TRAF5: variants seen among roughly 807,000 people sequenced by gnomAD.
TRAF5 encodes TNF receptor associated factor 5, also known as TNF receptor-associated factor 5.
In TRAF5, 48 loss-of-function variants were observed where a neutral mutation model predicts 64.5. That is an observed-to-expected ratio of 0.74 (90% CI 0.59 to 0.95). TRAF5 has a LOEUF of 0.95. TRAF5 is among the 40% of genes least tolerant of loss of function. The pLI is 0.00. For synonymous variants in TRAF5, 206 were observed against 240.5 expected, an observed-to-expected ratio of 0.86 and a Z score of 1.33; for missense variants, 545 against 662.8, an observed-to-expected ratio of 0.82 and a Z score of 1.95.
At position 211,346,326 on chromosome 1, in the gene TRAF5, G is replaced by A. The variant is rs993342795; in HGVS notation, c.-1-6913G>A. 11 of 983,830 alleles carry A rather than the reference G, an allele frequency of 1.1e-5. No homozygotes were observed. In the East Asian group the frequency reaches 4.5e-4, roughly 41 times the overall value. The allele number at this position is 983,830 out of a possible 1,614,324, so 60.9% of individuals were successfully genotyped here. A position where few individuals can be genotyped will look rare whatever the true frequency, so the allele number is the denominator to read the frequency against. On this transcript the variant is annotated intron_variant, in intron 1 of 10. Transcript: ENST00000261464. Reference sequence around the variant, plus strand: ...GGAGGGACTCAAGGGCAGATGCAACGTCACAGCCTCTGCATTCTCAGGACC... The same window carrying A: ...GGAGGGACTCAAGGGCAGATGCAACATCACAGCCTCTGCATTCTCAGGACC...
chr1:211,337,973 G>C (rs1405922520), intron 1 of TRAF5, among the ~76,000 whole-genome samples: 2 of 152,190 alleles, frequency 1.3e-5, no homozygotes, highest in African/African-American at 2.4e-5. Flanking sequence ...TCAGGGCATT[G>C]TCAGTCATAG....
chr1:211,373,499 T>C lies in TRAF5; in HGVS notation c.*797T>C. On this transcript the variant is annotated 3_prime_UTR_variant, in exon 11 of 11. Transcript: ENST00000261464. ...CATAAGATTCAACCAAATAAATATA[T>C]ATATACACACACACATACATATACA... is the stretch of plus-strand genomic sequence containing the variant. 6.6e-6 allele frequency: 1 copy of C among 152,276 alleles called. No homozygotes were observed. The highest frequency in any genetic ancestry group is 1.5e-5 in the Non-Finnish European group (1 of 68,010). 9.4% of individuals were successfully genotyped at this position (152,276 alleles called of 1,614,324 possible).
chr1:211,368,361 G>C (rs946916436), intron 8 of TRAF5, among the ~76,000 whole-genome samples: 2 of 152,162 alleles, frequency 1.3e-5, no homozygotes, highest in African/African-American at 4.8e-5. Context: ...CTAAAGCCAG[G>C]GAGAGCATTC....
At position 211,365,420 on chromosome 1, in the gene TRAF5, G is replaced by C; in HGVS notation, c.741G>C (p.Arg247=). 6.2e-7 allele frequency: 1 copy of C among 1,613,836 alleles called. No individual in the cohort carries two copies. Among genetic ancestry groups the C allele is most frequent in the Non-Finnish European group, 8.5e-7 (1 of 1,179,872 alleles). ...AGCAACATGAGCATTCAGCCTTACGGGAGCACATGCGTTTGGTTTTAGAAA... is the reference window on the plus strand; with the variant it reads ...AGCAACATGAGCATTCAGCCTTACGCGAGCACATGCGTTTGGTTTTAGAAA... ...NLQQHEHSAL[R]EHMRLVLEKN... is the part of the protein sequence containing the mutation. The change falls in exon 8 of 11, where the codon CGG becomes CGC. Residue 247 remains arginine, a synonymous_variant. Coordinates refer to ENST00000261464, the MANE Select transcript of TRAF5 (RefSeq NM_001033910.3).
chr1:211,357,854 A>C (rs4951745), intron 4 of TRAF5: 95,481 of 152,038 alleles, frequency 0.63, 32,561 homozygotes, highest in Non-Finnish European at 0.76. Flanking sequence ...TAATAATAAT[A>C]ATCATCATCA....
intron 1 of TRAF5, among the ~76,000 whole-genome samples, chr1:211,350,510 C>T (rs1368884653): frequency 6.6e-6 from 1 of 152,162 alleles, no homozygotes; most frequent in African/African-American, 2.4e-5. Context: ...GCCTGCTTAG[C>T]ATTGTGGACT....
chr1:211,349,808 A>G (rs569238451), intron 1 of TRAF5, among the ~76,000 whole-genome samples: 1 of 152,296 alleles, frequency 6.6e-6, no homozygotes, highest in South Asian at 2.1e-4. Flanking sequence ...CTGTTGCTTT[A>G]GGATACATCT....
At chr1:211,329,172 C>T (rs1009083799) in intron 1 of TRAF5, among the ~76,000 whole-genome samples, 3 of 152,226 alleles carry the variant, frequency 2.0e-5, no homozygotes, top group Non-Finnish European at 4.4e-5. Flanking sequence ...CCTAGCCAGG[C>T]AAACTCCGGG....
Position 211,373,645 on chromosome 1 carries a change from T to C in TRAF5, c.*943T>C, listed in dbSNP as rs1703607904. ...ATGTCATAAATGGATAAAAGGAATT[T>C]ACAACTTGAGGAGAAAACCTTTACA... On this transcript the variant is annotated 3_prime_UTR_variant, in exon 11 of 11. Coordinates refer to ENST00000261464, the MANE Select transcript of TRAF5 (RefSeq NM_001033910.3). 1 of 152,214 alleles carries C rather than the reference T, an allele frequency of 6.6e-6. No homozygotes were observed. The highest frequency in any genetic ancestry group is 1.5e-5 in the Non-Finnish European group (1 of 68,036). The allele number at this position is 152,214 out of a possible 1,614,324, so 9.4% of individuals were successfully genotyped here.
At position 211,354,413 on chromosome 1, in the gene TRAF5, A is replaced by G. The variant is rs765479912; in HGVS notation, c.222A>G (p.Glu74=). ...CCATTTTAATTTTTTTCTCCAGAGA[A>G]TTAAACACAGTGCCAATCTGCCCTG... ...FCQHCILSLR[E]LNTVPICPVD... is the part of the protein sequence containing the mutation. Residue 74 remains glutamate, a synonymous_variant, in exon 3 of 11, where the codon GAA becomes GAG. Transcript: ENST00000261464. 2.9e-5 allele frequency: 47 copies of G among 1,614,022 alleles called. No individual in the cohort carries two copies. The highest frequency in any genetic ancestry group is 3.3e-4 in the Middle Eastern group (2 of 6,084).
chr1:211,334,876 G>C (rs1195634634), intron 1 of TRAF5, among the ~76,000 whole-genome samples: 5 of 152,226 alleles, frequency 3.3e-5, no homozygotes, highest in African/African-American at 1.2e-4. Flanking sequence ...AATCTCATCT[G>C]TCCTGTCCTC....
intron 1 of TRAF5, among the ~76,000 whole-genome samples, chr1:211,330,850 C>T (rs1702138736): frequency 1.3e-5 from 2 of 152,200 alleles, no homozygotes; most frequent in Admixed American, 1.3e-4. Flanking sequence ...GCTGGGTCCT[C>T]AGGTTGGATT....
intron 1 of TRAF5, among the ~76,000 whole-genome samples, chr1:211,342,078 A>G (rs1702462365): frequency 6.6e-6 from 1 of 152,164 alleles, no homozygotes. Flanking sequence ...GTAACTGTGT[A>G]TTTGAGGCCT....
intron 4 of TRAF5, chr1:211,358,549 A>C (rs1323263573): frequency 6.6e-6 from 1 of 150,852 alleles, no homozygotes; most frequent in Non-Finnish European, 1.5e-5. Context: ...TCTCTACTAA[A>C]AATACAAAAA....
Position 211,339,676 on chromosome 1 carries a change from C to G in TRAF5, c.-2+12787C>G, listed in dbSNP as rs539800142. On this transcript the variant is annotated intron_variant, in intron 1 of 10. Transcript: ENST00000261464. ...AGCCTGAGGGCTGCATTTTTTAAACCAGACTCTAGGATGCCTGCCTGTATG... is the reference window on the plus strand; with the variant it reads ...AGCCTGAGGGCTGCATTTTTTAAACGAGACTCTAGGATGCCTGCCTGTATG... Among the ~76,000 whole-genome samples, 91 of 152,290 alleles carry G rather than the reference C, an allele frequency of 6.0e-4. 1 individual carries two copies. Among genetic ancestry groups the G allele is most frequent in the African/African-American group, 2.2e-3 (91 of 41,566 alleles).
At chr1:211,358,832 T>A (rs1703074904) in intron 4 of TRAF5, 2 of 147,956 alleles carry the variant, frequency 1.4e-5, no homozygotes, top group Non-Finnish European at 3.0e-5. Context: ...ATATAATATA[T>A]TAAATACTAT....
Position 211,360,611 on chromosome 1 carries a change from C to G in TRAF5, c.544-91C>G, listed in dbSNP as rs756586034. On this transcript the variant is annotated intron_variant, in intron 5 of 10. Coordinates refer to ENST00000261464, the MANE Select transcript of TRAF5 (RefSeq NM_001033910.3). ...ATAACTTCCTGTAGAGAGTAAGCCA[C>G]GTGACATATAATCCCCAAAGAGACA... The G allele has an allele frequency of 6.0e-6, 6 of 1,005,330 alleles. No individual in the cohort carries two copies. In the Admixed American group the frequency reaches 9.6e-5, roughly 16 times the overall value. The allele number at this position is 1,005,330 out of a possible 1,614,324, so 62.3% of individuals were successfully genotyped here.
chr1:211,326,748 C>T, upstream of TRAF5: 2 of 985,580 alleles, frequency 2.0e-6, no homozygotes, highest in Non-Finnish European at 2.4e-6. This position sits in a 1 kb window ranked among gnomAD's most constrained non-coding sequence, Gnocchi z 5.0. Flanking sequence ...CCGCTCTTCC[C>T]CTGCGCCCGC....
chr1:211,369,916 A>T (rs552677580), intron 9 of TRAF5, among the ~76,000 whole-genome samples: 1 of 152,272 alleles, frequency 6.6e-6, no homozygotes, highest in South Asian at 2.1e-4. Context: ...TTACCTCTAC[A>T]TATTAATACT....
Sources: gnomAD v4.1 joint callset for allele counts (sites outside exome capture counted in the v4.1 genomes callset) on GRCh38, gnomAD v4.1.1 for gene constraint, Gnocchi (gnomAD v3.1) non-coding constraint, MANE v1.5 for transcripts, NCBI Gene and HGNC (gene_info 2026-07-23, HGNC 2026-07-21) for gene names.